The following LHFPL3 variants were observed in gnomAD, a reference collection of about 807,000 sequenced individuals.
LHFPL3 encodes LHFPL tetraspan subfamily member 3 protein.
Under a neutral mutation model 19.3 loss-of-function variants are expected in LHFPL3, and 5 were observed. The ratio of observed to expected loss-of-function variants is 0.26; its 90% confidence interval spans 0.14 to 0.54. The LOEUF (loss-of-function observed/expected upper bound fraction) is 0.54. LHFPL3 is among the 20% of genes least tolerant of loss of function. The pLI is 0.94. For synonymous variants in LHFPL3, 133 were observed against 126.2 expected (o/e 1.05, Z -0.36); for missense variants, 249 against 307.4 (o/e 0.81, Z 1.42).
At chr7:104,572,419 A>G (rs1790247016) in intron 1 of LHFPL3, among the ~76,000 whole-genome samples, 1 of 152,216 alleles carries the variant, frequency 6.6e-6, no homozygotes, top group Non-Finnish European at 1.5e-5. Flanking sequence ...TTAATATTCT[A>G]GTAGGGAGGA....
chr7:104,829,442 T>A (rs938569133), intron 2 of LHFPL3, among the ~76,000 whole-genome samples: 5 of 151,764 alleles, frequency 3.3e-5, no homozygotes, highest in African/African-American at 1.2e-4. Context: ...AACTTGTCAT[T>A]TAGCATTAGG....
intron 1 of LHFPL3, among the ~76,000 whole-genome samples, chr7:104,479,067 C>T (rs1179201288): frequency 1.3e-5 from 2 of 152,144 alleles, no homozygotes; most frequent in Non-Finnish European, 2.9e-5. Flanking sequence ...CTGGGGTTGA[C>T]TGAGGCTGGG....
At position 104,438,094 on chromosome 7, in the gene LHFPL3, AAATATTAG is replaced by A. The variant is rs1792147239; in HGVS notation, c.445+108873_445+108880del. 2.6e-5 allele frequency among the ~76,000 whole-genome samples: 4 copies of A among 152,314 alleles called. No homozygotes were observed. The South Asian group carries it at 8.3e-4, about 32-fold the overall frequency. On this transcript the variant is annotated intron_variant, in intron 1 of 2. Coordinates refer to ENST00000424859, the MANE Select transcript of LHFPL3 (RefSeq NM_199000.3). ...ATGTTAGAACCTAGGGATACTGACC[AAATATTAG>A]AACAAAAGATGCAGGCAGCATCTCT...
At chr7:104,330,768 T>A (rs1004007143) in intron 1 of LHFPL3, among the ~76,000 whole-genome samples, 3 of 152,132 alleles carry the variant, frequency 2.0e-5, no homozygotes, top group Non-Finnish European at 2.9e-5. Flanking sequence ...TATGTTTTTA[T>A]ATATAAAGTT....
intron 1 of LHFPL3, among the ~76,000 whole-genome samples, chr7:104,590,198 T>C (rs1425454180): frequency 6.6e-6 from 1 of 152,144 alleles, no homozygotes; most frequent in Non-Finnish European, 1.5e-5. Flanking sequence ...CTTTCAATTG[T>C]GATGTTAGGG....
intron 1 of LHFPL3, among the ~76,000 whole-genome samples, chr7:104,678,152 A>T (rs1450328780): frequency 3.3e-5 from 5 of 152,352 alleles, no homozygotes; most frequent in Middle Eastern, 3.4e-3. Flanking sequence ...GATTAACTGT[A>T]AGATAAACTG....
At chr7:104,883,627 T>G (rs1377665675) in intron 2 of LHFPL3, among the ~76,000 whole-genome samples, 1 of 152,182 alleles carries the variant, frequency 6.6e-6, no homozygotes, top group Non-Finnish European at 1.5e-5. Context: ...GCTTGTAATT[T>G]ATAAATTAGT....
intron 1 of LHFPL3, among the ~76,000 whole-genome samples, chr7:104,511,621 G>A (rs981147639): frequency 5.9e-5 from 9 of 152,294 alleles, no homozygotes; most frequent in Admixed American, 1.3e-4. Context: ...CCATACCATG[G>A]AATACTGCTT....
Position 104,409,793 on chromosome 7 carries a change from C to T in LHFPL3, c.445+80569C>T, listed in dbSNP as rs150095994. On this transcript the variant is annotated intron_variant, in intron 1 of 2. Coordinates refer to ENST00000424859, the MANE Select transcript of LHFPL3 (RefSeq NM_199000.3). ...AAATGCCTTCGAACATAAATCTTTGCTTGTGTGTCTGACAATGTCTCTTGA... is the reference window on the plus strand; with the variant it reads ...AAATGCCTTCGAACATAAATCTTTGTTTGTGTGTCTGACAATGTCTCTTGA... 8.5e-5 allele frequency among the ~76,000 whole-genome samples: 13 copies of T among 152,208 alleles called. No homozygotes were observed. In the East Asian group the frequency reaches 2.5e-3, roughly 29 times the overall value.
At chr7:104,761,063 T>C (rs1430150026) in intron 2 of LHFPL3, among the ~76,000 whole-genome samples, 1 of 152,188 alleles carries the variant, frequency 6.6e-6, no homozygotes, top group African/African-American at 2.4e-5. Flanking sequence ...AAAAGTCATC[T>C]TCATTAGAAG....
chr7:104,459,844 G>T (rs1429571486), intron 1 of LHFPL3, among the ~76,000 whole-genome samples: 1 of 152,082 alleles, frequency 6.6e-6, no homozygotes, highest in African/African-American at 2.4e-5. Context: ...CATCTTAATT[G>T]CTTGAACAGA....
intron 1 of LHFPL3, among the ~76,000 whole-genome samples, chr7:104,391,054 G>A (rs1303860093): frequency 6.6e-6 from 1 of 152,048 alleles, no homozygotes; most frequent in Non-Finnish European, 1.5e-5. Flanking sequence ...TTGTAAATTT[G>A]TTTGAGTTCT....
At chr7:104,552,970 A>C (rs1457160551) in intron 1 of LHFPL3, among the ~76,000 whole-genome samples, 1 of 152,210 alleles carries the variant, frequency 6.6e-6, no homozygotes, top group Non-Finnish European at 1.5e-5. Context: ...AAATGAGGAT[A>C]GGAGTGGTAC....
chr7:104,468,779 C>T (rs144111187), intron 1 of LHFPL3, among the ~76,000 whole-genome samples: 3 of 151,892 alleles, frequency 2.0e-5, no homozygotes, highest in Non-Finnish European at 2.9e-5. Context: ...CTGCCTCAGC[C>T]TCCCGAGTAG....
intron 2 of LHFPL3, among the ~76,000 whole-genome samples, chr7:104,902,940 G>A (rs997844023): frequency 3.3e-5 from 5 of 152,168 alleles, no homozygotes; most frequent in South Asian, 2.1e-4. Context: ...CCCAGATGAT[G>A]AAGGAGAAAG....
In LHFPL3 at chr7:104,456,659, C is replaced by T. The variant is rs74705935; in HGVS notation, c.445+127435C>T. Among the ~76,000 whole-genome samples, 492 of 152,198 alleles carry T rather than the reference C, an allele frequency of 3.2e-3. 5 individuals carry two copies. The highest frequency in any genetic ancestry group is 0.011 in the African/African-American group (469 of 41,514). On this transcript the variant is annotated intron_variant, in intron 1 of 2. Coordinates refer to ENST00000424859, the MANE Select transcript of LHFPL3 (RefSeq NM_199000.3). ...GACGCACTTCATGGCTTTTCTTTGGCGTATTTGAATTGCAAGCATCACTAC... is the reference window on the plus strand; with the variant it reads ...GACGCACTTCATGGCTTTTCTTTGGTGTATTTGAATTGCAAGCATCACTAC...
intron 1 of LHFPL3, among the ~76,000 whole-genome samples, chr7:104,375,473 G>C (rs991468009): frequency 6.6e-6 from 1 of 152,166 alleles, no homozygotes; most frequent in Admixed American, 6.5e-5. Flanking sequence ...ATTGAAAGCT[G>C]TAAGCACATT....
intron 2 of LHFPL3, chr7:104,826,616 G>T: frequency 6.4e-6 from 1 of 155,914 alleles, no homozygotes. Flanking sequence ...CTACTGAGGA[G>T]CCCAAAGCCC....
chr7:104,425,001 AAAAAG>A lies in LHFPL3; in HGVS notation c.445+95780_445+95784del, dbSNP rs1460675984. Among the ~76,000 whole-genome samples the A allele has an allele frequency of 2.7e-4, 40 of 150,334 alleles. 1 individual carries two copies. The highest frequency in any genetic ancestry group is 9.2e-4 in the African/African-American group (37 of 40,250). On this transcript the variant is annotated intron_variant, in intron 1 of 2. Coordinates refer to ENST00000424859, the MANE Select transcript of LHFPL3 (RefSeq NM_199000.3). ...CATCTCATAAAAAAAAAAAAAAAAA[AAAAAG>A]AAGTATCTGACTCAAAATGTCAGTT...
Sources: allele counts gnomAD v4.1 joint callset (sites outside exome capture counted in the v4.1 genomes callset), GRCh38; gene constraint gnomAD v4.1.1; transcripts MANE v1.5; gene names NCBI Gene and HGNC (gene_info 2026-07-23, HGNC 2026-07-21).